The following SYNPO2L variants were observed in gnomAD, a reference collection of about 807,000 sequenced individuals.
The protein encoded by SYNPO2L is synaptopodin 2 like, also known as synaptopodin 2-like protein.
SYNPO2L carries 34 observed loss-of-function variants against 47.5 expected under a neutral mutation model. The ratio of observed to expected loss-of-function variants is 0.72; its 90% CI spans 0.54 to 0.95. The LOEUF is 0.95. Ranked by LOEUF, SYNPO2L falls within the 40% of genes least tolerant of loss-of-function variation. The pLI is 0.00. For missense variants in SYNPO2L, 1,246 were observed against 1,282.0 expected (o/e 0.97, Z 0.43); for synonymous variants, 536 against 524.9 (o/e 1.02, Z -0.29).
intron 3 of SYNPO2L, chr10:73,651,166 G>C: frequency 2.6e-6 from 3 of 1,164,046 alleles, no homozygotes; most frequent in Non-Finnish European, 3.4e-6. Context: ...CCCCACAAGT[G>C]CCGGTGTGAT....
chr10:73,650,019 G>A (rs1302643563), intron 3 of SYNPO2L: 2 of 985,296 alleles, frequency 2.0e-6, no homozygotes, highest in African/African-American at 3.5e-5. Context: ...GGCACACAAA[G>A]ACTATGTGCT....
At position 73,655,929 on chromosome 10, in the gene SYNPO2L, G is replaced by A. The variant is rs977471842; in HGVS notation, c.-7C>T. ...CCTCCTCCTCAGCACCCATCGCTCAGCTTGGCCTATGGCCCCCGGAGTTTG... is the reference window on the plus strand; with the variant it reads ...CCTCCTCCTCAGCACCCATCGCTCAACTTGGCCTATGGCCCCCGGAGTTTG... On this transcript the variant is annotated 5_prime_UTR_variant, in exon 1 of 4. Coordinates refer to ENST00000394810, the MANE Select transcript of SYNPO2L (RefSeq NM_001114133.3). The A allele has an allele frequency of 3.2e-6, 5 of 1,549,618 alleles. No homozygotes were observed. The highest frequency in any genetic ancestry group is 4.4e-6 in the Non-Finnish European group (5 of 1,146,114).
chr10:73,655,727 C>A (rs2081873786), intron 1 of SYNPO2L, 91 bp downstream of exon 1: 3 of 262,978 alleles, frequency 1.1e-5, no homozygotes, highest in South Asian at 6.1e-5. Context: ...CTCCCACCCC[C>A]CCAACCCCCG....
intron 3 of SYNPO2L, among the ~76,000 whole-genome samples, chr10:73,652,146 A>ATTAT (rs1176904150): frequency 1.2e-4 from 17 of 144,000 alleles, no homozygotes; most frequent in African/African-American, 2.0e-4. Flanking sequence ...ATTAATTTTT[A>ATTAT]TTATTTATTT....
rs1293824282 is a variant in SYNPO2L at position 73,646,521 on chromosome 10, A to T, written c.*197T>A. On this transcript the variant is annotated 3_prime_UTR_variant, in exon 4 of 4. Coordinates refer to ENST00000394810, the MANE Select transcript of SYNPO2L (RefSeq NM_001114133.3). ...CAAAGAGAGGCAAAGATACCAAAGCAGACATACTTGGTTGGAAAGCGGCAG... is the reference window on the plus strand; with the variant it reads ...CAAAGAGAGGCAAAGATACCAAAGCTGACATACTTGGTTGGAAAGCGGCAG... 3.5e-5 allele frequency: 43 copies of T among 1,245,576 alleles called. No individual in the cohort carries two copies. Among genetic ancestry groups the T allele is most frequent in the Middle Eastern group, 5.9e-4 (2 of 3,418 alleles). The allele number at this position is 1,245,576 out of a possible 1,614,324, so 77.2% of individuals were successfully genotyped here.
At position 73,645,267 on chromosome 10, in the gene SYNPO2L, A is replaced by C. The variant is rs539046548; in HGVS notation, c.*1451T>G. ...CACCATCATTCCCTTCCATTCTAACATTCTTCTCCCTCAAATTTTTTTCCA... is the reference window on the plus strand; with the variant it reads ...CACCATCATTCCCTTCCATTCTAACCTTCTTCTCCCTCAAATTTTTTTCCA... On this transcript the variant is annotated 3_prime_UTR_variant, in exon 4 of 4. Transcript: ENST00000394810. 24 of 1,088,478 alleles carry C rather than the reference A, an allele frequency of 2.2e-5. No homozygotes were observed. The highest frequency in any genetic ancestry group is 8.6e-4 in the Middle Eastern group (2 of 2,332). 67.4% of individuals were successfully genotyped at this position (1,088,478 alleles called of 1,614,324 possible).
chr10:73,656,022 C>T lies in SYNPO2L; in HGVS notation c.-100G>A. On this transcript the variant is annotated 5_prime_UTR_variant, in exon 1 of 4. Coordinates refer to ENST00000394810, the MANE Select transcript of SYNPO2L (RefSeq NM_001114133.3). ...CTGGGCTTCCTGTCCGGCTGTCCTGCTCCTGCTGCCCCAGGCCTCCCCCCC... is the reference window on the plus strand; with the variant it reads ...CTGGGCTTCCTGTCCGGCTGTCCTGTTCCTGCTGCCCCAGGCCTCCCCCCC... The T allele has an allele frequency of 1.0e-6, 1 of 997,606 alleles. No homozygotes were observed. Among genetic ancestry groups the T allele is most frequent in the Non-Finnish European group, 1.5e-6 (1 of 686,998 alleles). 61.8% of individuals were successfully genotyped at this position (997,606 alleles called of 1,614,324 possible). A position where few individuals can be genotyped will look rare whatever the true frequency, so the allele number is the denominator to read the frequency against.
intron 3 of SYNPO2L, among the ~76,000 whole-genome samples, chr10:73,651,586 T>C (rs1239452663): frequency 2.6e-5 from 4 of 152,154 alleles, no homozygotes; most frequent in Admixed American, 2.6e-4. Context: ...CCTTGTTCTG[T>C]AGCTCACATC....
At position 73,654,242 on chromosome 10, in the gene SYNPO2L, TCG is replaced by T; in HGVS notation, c.142_143del (p.Arg50GlyfsTer50). ...RRSQAGRAGL[R>X]ERDQLLAING... is the part of the protein sequence containing the mutation. ...TGATTGCCAAGAGCTGGTCCCTCTC[TCG>T]GAGTCCTGCTCTGCCAGCCTGGCTC... On this transcript the variant is annotated frameshift_variant, in exon 2 of 4. Transcript: ENST00000394810. LOFTEE classifies it high-confidence loss of function. The T allele has an allele frequency of 6.4e-7, 1 of 1,551,658 alleles. No individual in the cohort carries two copies. The highest frequency in any genetic ancestry group is 8.7e-7 in the Non-Finnish European group (1 of 1,146,972).
At position 73,653,306 on chromosome 10, in the gene SYNPO2L, G is replaced by T. The variant is rs967469314; in HGVS notation, c.605C>A (p.Pro202Gln). Residue 202 changes from proline to glutamine, a missense_variant, in exon 3 of 4, where the codon CCG becomes CAG. Pro to Gln is a moderately conservative substitution (Grantham distance 76). Transcript: ENST00000394810. ...PSQGDSRVSS[P>Q]SWEDGAALQP... ...AAGGGCTGCCCCATCCTCCCAAGACGGGGAGCTCACACGGCTGTCACCCTG... is the reference window on the plus strand; with the variant it reads ...AAGGGCTGCCCCATCCTCCCAAGACTGGGAGCTCACACGGCTGTCACCCTG... 1.9e-6 allele frequency: 3 copies of T among 1,551,536 alleles called. No homozygotes were observed. Among genetic ancestry groups the T allele is most frequent in the Non-Finnish European group, 2.6e-6 (3 of 1,146,944 alleles).
At position 73,655,834 on chromosome 10, in the gene SYNPO2L, G is replaced by T; in HGVS notation, c.89C>A (p.Pro30Gln). 6.5e-7 allele frequency: 1 copy of T among 1,549,564 alleles called. No individual in the cohort carries two copies. Among genetic ancestry groups the T allele is most frequent in the South Asian group, 1.2e-5 (1 of 83,996 alleles). The change falls in exon 1 of 4, where the codon CCG becomes CAG. Residue 30 changes from proline (P) to glutamine (Q), a missense_variant. Pro to Gln is a moderately conservative substitution (Grantham distance 76). Around this residue, in one of 3 missense-constraint regions of SYNPO2L, gnomAD observed 61 missense variants for 55.6 expected, o/e 1.10. Transcript: ENST00000394810. ...RLHGGAEQRK[P>Q]LQVSKIRRRS... ...CTCCCTTACCTTAGACACCTGTAAC[G>T]GTTTCCTCTGCTCGGCCCCCCCATG...
chr10:73,647,454 C>T lies in SYNPO2L; in HGVS notation c.2198G>A (p.Gly733Glu), dbSNP rs145644342. Residue 733 changes from glycine to glutamate, a missense_variant, in exon 4 of 4, where the codon GGG becomes GAG. Gly to Glu is a moderately conservative substitution (Grantham distance 98). Around this residue, in one of 3 missense-constraint regions of SYNPO2L, gnomAD observed 1,037 missense variants for 1,021.5 expected, o/e 1.02. Coordinates refer to ENST00000394810, the MANE Select transcript of SYNPO2L (RefSeq NM_001114133.3). ...CCCATTCACGAGCCCATCAAGGAGC[C>T]CTCGAGATGGGGGCTTAGGAGCCAC... is the stretch of plus-strand genomic sequence containing the variant. ...PPVAPKPPSR[G>E]LLDGLVNGAA... is the part of the protein sequence containing the mutation. 121 of 1,603,598 alleles carry T rather than the reference C, an allele frequency of 7.5e-5. No individual in the cohort carries two copies. In the African/African-American group the frequency reaches 1.5e-3, roughly 20 times the overall value.
In SYNPO2L at chr10:73,647,654, C is replaced by A. The variant is rs769208374; in HGVS notation, c.1998G>T (p.Gly666=). 3.1e-6 allele frequency: 5 copies of A among 1,614,136 alleles called. No homozygotes were observed. Among genetic ancestry groups the A allele is most frequent in the Non-Finnish European group, 4.2e-6 (5 of 1,179,994 alleles). ...VQNLDEKPRA[G]GAESGPEEDA... The stretch of plus-strand genomic sequence containing the variant: ...CTTCTTCAGGACCAGATTCTGCACC[C>A]CCGGCCCGAGGCTTTTCATCCAGGT... The change falls in exon 4 of 4, where the codon GGG becomes GGT. Residue 666 remains glycine, a synonymous_variant. Coordinates refer to ENST00000394810, the MANE Select transcript of SYNPO2L (RefSeq NM_001114133.3).
In SYNPO2L at chr10:73,648,492, C is replaced by T. The variant is rs773282097; in HGVS notation, c.1160G>A (p.Gly387Glu). 3 of 1,613,562 alleles carry T rather than the reference C, an allele frequency of 1.9e-6. No homozygotes were observed. Among genetic ancestry groups the T allele is most frequent in the East Asian group, 2.2e-5 (1 of 44,878 alleles). ...GCGCTGCTGTTCAAAGAGCTGCACC[C>T]CTCGCCCAGAGACCTCACTCAGCTG... ...GGQLSEVSGRGVQLFEQQRQR... is the reference protein window; with the variant it reads ...GGQLSEVSGREVQLFEQQRQR... The change falls in exon 4 of 4, where the codon GGG (glycine) becomes GAG (glutamate). Residue 387 changes from glycine to glutamate, a missense_variant. Coordinates refer to ENST00000394810, the MANE Select transcript of SYNPO2L (RefSeq NM_001114133.3).
Position 73,655,856 on chromosome 10 carries a change from C to A in SYNPO2L, c.67G>T (p.Gly23Trp), listed in dbSNP as rs755745146. 78 of 1,551,196 alleles carry A rather than the reference C, an allele frequency of 5.0e-5. No homozygotes were observed. Among genetic ancestry groups the A allele is most frequent in the African/African-American group, 6.9e-5 (5 of 72,890 alleles). ...AACGGTTTCCTCTGCTCGGCCCCCC[C>A]ATGAAGTCGGAAGCCCCAGGGGGCT... The part of the protein sequence containing the change: ...GGAPWGFRLH[G>W]GAEQRKPLQV... Residue 23 changes from glycine (G) to tryptophan (W), a missense_variant, in exon 1 of 4, where the codon GGG (glycine) becomes TGG (tryptophan). This residue lies in a region of SYNPO2L where 61 missense variants were observed against 55.6 expected (regional missense o/e 1.10). Coordinates refer to ENST00000394810, the MANE Select transcript of SYNPO2L (RefSeq NM_001114133.3).
intron 1 of SYNPO2L, 121 bp from the exon 2 acceptor site, chr10:73,654,401 G>C (rs540215078): frequency 1.5e-6 from 2 of 1,309,486 alleles, no homozygotes; most frequent in Admixed American, 4.8e-5. Flanking sequence ...AGGGTGGGGA[G>C]ATGCATGGAA....
At chr10:73,654,978 T>C (rs890460101) in intron 1 of SYNPO2L, among the ~76,000 whole-genome samples, 2 of 152,228 alleles carry the variant, frequency 1.3e-5, no homozygotes, top group Non-Finnish European at 2.9e-5. Context: ...GTCAAGATTT[T>C]AGAACAGTAC....
In SYNPO2L at chr10:73,644,969, A is replaced by T; in HGVS notation, c.*1749T>A. The T allele has an allele frequency of 1.6e-6, 2 of 1,232,134 alleles. No homozygotes were observed. Among genetic ancestry groups the T allele is most frequent in the Non-Finnish European group, 2.1e-6 (2 of 959,480 alleles). The allele number at this position is 1,232,134 out of a possible 1,614,324, so 76.3% of individuals were successfully genotyped here. ...AGCAAAGGAAATTATCACTTTCCAG[A>T]TTACACAGCAAACGTAGCTGGTGGT... is the stretch of plus-strand genomic sequence containing the variant. On this transcript the variant is annotated 3_prime_UTR_variant, in exon 4 of 4. Coordinates refer to ENST00000394810, the MANE Select transcript of SYNPO2L (RefSeq NM_001114133.3).
intron 3 of SYNPO2L, chr10:73,649,646 C>CATT (rs2081821797): frequency 1.1e-6 from 1 of 878,220 alleles, no homozygotes; most frequent in South Asian, 5.2e-5. Context: ...CATCAAAACA[C>CATT]CATCACTCAA....
Sources: allele counts gnomAD v4.1 joint callset (sites outside exome capture counted in the v4.1 genomes callset), GRCh38; gene constraint gnomAD v4.1.1; regional missense constraint gnomAD v4.1.1; transcripts MANE v1.5; gene names NCBI Gene and HGNC (gene_info 2026-07-23, HGNC 2026-07-21).